The following MAN2B2 variants were observed in gnomAD, a reference collection of about 807,000 sequenced individuals.
The protein encoded by MAN2B2 is mannosidase alpha class 2B member 2.
In MAN2B2, 106 loss-of-function variants were observed where a neutral mutation model predicts 117.1. That is an observed-to-expected ratio of 0.90 (90% confidence interval 0.77 to 1.06). The LOEUF (loss-of-function observed/expected upper bound fraction) is 1.06, where lower values mean the gene tolerates loss of function less well. Ranked by LOEUF, MAN2B2 falls within the 50% of genes least tolerant of loss-of-function variation. MAN2B2 has a pLI of 0.00. For missense variants in MAN2B2, 1,326 were observed against 1,381.4 expected (o/e 0.96, Z 0.64); for synonymous variants, 544 against 595.1 (o/e 0.91, Z 1.25).
rs895905788 is a variant in MAN2B2, at chr4:6,598,250, T to C, written c.1301T>C (p.Met434Thr). Residue 434 changes from methionine (M) to threonine (T), a missense_variant, in exon 9 of 19, where the codon ATG (methionine) becomes ACG (threonine). Transcript: ENST00000285599. ...TGTESPKVRDMYATHLASGML... is the reference protein window; with the variant it reads ...TGTESPKVRDTYATHLASGML... ...ACTGAGTCCCCCAAGGTGAGAGACA[T>C]GTACGCAACGCACCTGGCCTCGGGG... 7 of 1,613,748 alleles carry C rather than the reference T, an allele frequency of 4.3e-6. No homozygotes were observed. The highest frequency in any genetic ancestry group is 1.1e-5 in the South Asian group (1 of 91,080).
chr4:6,596,770 G>A (rs1236687292), intron 7 of MAN2B2, among the ~76,000 whole-genome samples: 1 of 152,132 alleles, frequency 6.6e-6, no homozygotes, highest in Non-Finnish European at 1.5e-5. Context: ...GGGTCTCCCA[G>A]GCCCTTTGCT....
intron 15 of MAN2B2, among the ~76,000 whole-genome samples, chr4:6,612,357 G>T (rs943163687): frequency 2.0e-5 from 3 of 152,220 alleles, no homozygotes; most frequent in Non-Finnish European, 4.4e-5. Flanking sequence ...GTGTTTCGTG[G>T]GTGTAGAGGA....
At chr4:6,586,761 C>T (rs533550991) in intron 3 of MAN2B2, among the ~76,000 whole-genome samples, 1 of 152,206 alleles carries the variant, frequency 6.6e-6, no homozygotes, top group Non-Finnish European at 1.5e-5. Flanking sequence ...TGTAGTAACA[C>T]TACTTAACTA....
intron 6 of MAN2B2, among the ~76,000 whole-genome samples, chr4:6,594,019 G>A (rs2108743322): frequency 6.6e-6 from 1 of 152,276 alleles, no homozygotes; most frequent in Admixed American, 6.5e-5. Context: ...GACTGCCCTT[G>A]TGAAGGCAAG....
At position 6,609,929 on chromosome 4, in the gene MAN2B2, G is replaced by T; in HGVS notation, c.2138G>T (p.Arg713Leu). Residue 713 changes from arginine to leucine, a missense_variant, in exon 13 of 19, where the codon CGT becomes CTT. Coordinates refer to ENST00000285599, the MANE Select transcript of MAN2B2 (RefSeq NM_015274.3). The stretch of plus-strand genomic sequence containing the variant: ...CAAGCCGGCCCCCTGGAGCTGAACC[G>T]TGAGGCTGTCCTGAGGACCAGCACC... ...EYQAGPLELN[R>L]EAVLRTSTNL... 2 of 1,614,156 alleles carry T rather than the reference G, an allele frequency of 1.2e-6. No individual in the cohort carries two copies. Among genetic ancestry groups the T allele is most frequent in the Non-Finnish European group, 1.7e-6 (2 of 1,180,040 alleles).
chr4:6,579,021 T>TCAC (rs1726187112), intron 3 of MAN2B2, among the ~76,000 whole-genome samples: 1 of 60,658 alleles, frequency 1.6e-5, no homozygotes, highest in African/African-American at 9.3e-5. Context: ...ACCACCACCA[T>TCAC]CACCATCACC....
chr4:6,612,555 G>T (rs1485810214), intron 15 of MAN2B2, among the ~76,000 whole-genome samples: 2 of 152,250 alleles, frequency 1.3e-5, no homozygotes, highest in Non-Finnish European at 2.9e-5. Context: ...GGCATATCAG[G>T]AGCAGAGGCT....
In MAN2B2 at chr4:6,605,282, T is replaced by A; in HGVS notation, c.1767T>A (p.Ile589=). Residue 589 remains isoleucine (I), a synonymous_variant, in exon 11 of 19, where the codon ATT becomes ATA. Coordinates refer to ENST00000285599, the MANE Select transcript of MAN2B2 (RefSeq NM_015274.3). ...YLVPVANDCY[I]VLLDQDTNLM... ...TGCCTGTGGCAAACGACTGCTACAT[T>A]GTGCTGCTCGACCAGGATACCAACC... is the stretch of plus-strand genomic sequence containing the variant. The A allele has an allele frequency of 6.2e-7, 1 of 1,613,974 alleles. No homozygotes were observed. Among genetic ancestry groups the A allele is most frequent in the Non-Finnish European group, 8.5e-7 (1 of 1,179,876 alleles).
At chr4:6,602,676 T>G (rs1727377120) in intron 10 of MAN2B2, among the ~76,000 whole-genome samples, 1 of 151,630 alleles carries the variant, frequency 6.6e-6, no homozygotes, top group Admixed American at 6.6e-5. Context: ...TTTCCTTTTT[T>G]TTTTTTTTTT....
intron 16 of MAN2B2, 148 bp from the exon 17 acceptor site, chr4:6,617,232 T>C (rs1012522619): frequency 4.9e-6 from 3 of 609,364 alleles, no homozygotes; most frequent in Non-Finnish European, 8.7e-6. Context: ...CAATTCACGA[T>C]GAGATTTGGT....
chr4:6,604,072 C>T (rs980011132), intron 10 of MAN2B2, among the ~76,000 whole-genome samples: 2 of 152,134 alleles, frequency 1.3e-5, no homozygotes, highest in African/African-American at 4.8e-5. Flanking sequence ...TGGCCCCTCC[C>T]AGGAGAAGGT....
chr4:6,609,486 G>C, intron 12 of MAN2B2, 188 bp downstream of exon 12: 1 of 665,934 alleles, frequency 1.5e-6, no homozygotes, highest in Non-Finnish European at 2.5e-6. Context: ...GCTGTGTCAC[G>C]TTGGTTGGGA....
intron 15 of MAN2B2, among the ~76,000 whole-genome samples, chr4:6,613,459 C>T (rs1178150514): frequency 6.6e-6 from 1 of 152,010 alleles, no homozygotes; most frequent in African/African-American, 2.4e-5. Context: ...CCCATAGTCC[C>T]AGCTACTTGG....
intron 18 of MAN2B2, chr4:6,620,840 A>G: frequency 4.4e-6 from 1 of 228,518 alleles, no homozygotes; most frequent in Non-Finnish European, 8.5e-6. Context: ...AGATGGTCTC[A>G]GAAAGCTCTT....
At chr4:6,610,142 G>A in intron 13 of MAN2B2, 92 bp downstream of exon 13, 4 of 1,513,806 alleles carry the variant, frequency 2.6e-6, no homozygotes. Flanking sequence ...GCCAGTAGAG[G>A]CCTCCAGTGA....
intron 10 of MAN2B2, among the ~76,000 whole-genome samples, chr4:6,604,692 G>A (rs181504024): frequency 3.9e-5 from 6 of 152,116 alleles, no homozygotes; most frequent in South Asian, 2.1e-4. Context: ...AGCTGTATTC[G>A]TGGATCTCGG....
chr4:6,581,420 G>C (rs185746547), intron 3 of MAN2B2, among the ~76,000 whole-genome samples: 44 of 152,230 alleles, frequency 2.9e-4, no homozygotes, highest in African/African-American at 1.0e-3. Flanking sequence ...CAGAACTGGC[G>C]CTCAAGCCCA....
At chr4:6,583,195 G>A (rs1287324368) in intron 3 of MAN2B2, among the ~76,000 whole-genome samples, 1 of 152,190 alleles carries the variant, frequency 6.6e-6, no homozygotes, top group African/African-American at 2.4e-5. Context: ...CCTTGTAAAA[G>A]GCGACCTAGA....
chr4:6,596,825 G>T lies in MAN2B2; in HGVS notation c.1058-288G>T, dbSNP rs779463469. ...TCCTAGGCACCCTGGGCTTGCCTCCGATCAGGATCCTTCAGCACCCCACCC... is the reference window on the plus strand; with the variant it reads ...TCCTAGGCACCCTGGGCTTGCCTCCTATCAGGATCCTTCAGCACCCCACCC... On this transcript the variant is annotated intron_variant, in intron 7 of 18. Coordinates refer to ENST00000285599, the MANE Select transcript of MAN2B2 (RefSeq NM_015274.3). Among the ~76,000 whole-genome samples, 7 of 152,208 alleles carry T rather than the reference G, an allele frequency of 4.6e-5. No individual in the cohort carries two copies. In the South Asian group the frequency reaches 1.5e-3, roughly 32 times the overall value.
Sources: allele counts gnomAD v4.1 joint callset (sites outside exome capture counted in the v4.1 genomes callset), GRCh38; gene constraint gnomAD v4.1.1; transcripts MANE v1.5; gene names NCBI Gene and HGNC (gene_info 2026-07-23, HGNC 2026-07-21).